The following ADAMTS16 variants were observed in gnomAD, a reference collection of about 807,000 sequenced individuals.
The protein encoded by ADAMTS16 is A disintegrin and metalloproteinase with thrombospondin motifs 16.
Under a neutral mutation model 145.8 loss-of-function variants are expected in ADAMTS16, and 94 were observed. The observed-to-expected ratio is 0.64, with a 90% CI of 0.55 to 0.77. The LOEUF (loss-of-function observed/expected upper bound fraction) is 0.77. Among genes scored for constraint, ADAMTS16 ranks in the 30% least tolerant of loss-of-function variants. ADAMTS16 has a pLI of 0.00. For synonymous variants in ADAMTS16, 659 were observed against 604.3 expected, an observed-to-expected ratio of 1.09 and a Z score of -1.33; for missense variants, 1,585 against 1,591.5, an observed-to-expected ratio of 1.00 and a Z score of 0.07.
Position 5,200,112 on chromosome 5 carries a change from T to TCTCTCC in ADAMTS16, c.1314-15_1314-14insCCTCTC. 1 of 1,581,990 alleles carries TCTCTCC rather than the reference T, an allele frequency of 6.3e-7. No individual in the cohort carries two copies. Among genetic ancestry groups the TCTCTCC allele is most frequent in the Non-Finnish European group, 8.6e-7 (1 of 1,164,512 alleles). On this transcript the variant is annotated intron_variant, in intron 8 of 22. Coordinates refer to ENST00000274181, the MANE Select transcript of ADAMTS16 (RefSeq NM_139056.4). The stretch of plus-strand genomic sequence containing the variant: ...GTTTTTGTTCTGAAAGAACCATCTC[T>TCTCTCC]CTCTCTCTCTCTCTCATAGCTTTGG...
intron 10 of ADAMTS16, 78 bp downstream of exon 10, chr5:5,209,324 T>G: frequency 1.3e-6 from 2 of 1,532,910 alleles, no homozygotes; most frequent in Non-Finnish European, 1.8e-6. Context: ...TGTTGATATA[T>G]TCTGCATTTA....
At position 5,209,096 on chromosome 5, in the gene ADAMTS16, C is replaced by T. The variant is rs373395647; in HGVS notation, c.1455C>T (p.Thr485=). The T allele has an allele frequency of 5.3e-5, 85 of 1,612,410 alleles. No individual in the cohort carries two copies. Among genetic ancestry groups the T allele is most frequent in the African/African-American group, 2.0e-4 (15 of 74,854 alleles). The change falls in exon 10 of 23, where the codon ACC becomes ACT. Residue 485 remains threonine (T), a synonymous_variant. Coordinates refer to ENST00000274181, the MANE Select transcript of ADAMTS16 (RefSeq NM_139056.4). ...SRQYLHKFLS[T]AQAICLADQP... The stretch of plus-strand genomic sequence containing the variant: ...GCTCATCTCCTCTTTGTTTCAGCAC[C>T]GCTCAAGCTATCTGCCTTGCTGATC...
intron 11 of ADAMTS16, 150 bp downstream of exon 11, chr5:5,223,034 TATATTG>T (rs1446531023): frequency 1.7e-6 from 1 of 591,050 alleles, no homozygotes; most frequent in African/African-American, 1.8e-5. Flanking sequence ...GTGTTTATTT[TATATTG>T]ATAATGTGAA....
intron 18 of ADAMTS16, among the ~76,000 whole-genome samples, chr5:5,263,682 C>A (rs2913659): frequency 0.28 from 42,055 of 152,114 alleles, 5,922 homozygotes; most frequent in Middle Eastern, 0.37. Context: ...GGCAAGGGTG[C>A]CCGTGACCCC....
chr5:5,306,814 G>C (rs1579409971), intron 21 of ADAMTS16, 86 bp downstream of exon 21: 1 of 1,329,070 alleles, frequency 7.5e-7, no homozygotes, highest in East Asian at 2.5e-5. Context: ...GCTTCTGCGA[G>C]GGTGTTTTCC....
chr5:5,308,813 G>T (rs1740296413), intron 21 of ADAMTS16, among the ~76,000 whole-genome samples: 1 of 152,088 alleles, frequency 6.6e-6, no homozygotes, highest in Admixed American at 6.5e-5. Context: ...AACCGGGTGT[G>T]GTGGTGCACG....
At chr5:5,144,642 A>T (rs1239247238) in intron 2 of ADAMTS16, among the ~76,000 whole-genome samples, 1 of 152,214 alleles carries the variant, frequency 6.6e-6, no homozygotes, top group Non-Finnish European at 1.5e-5. Context: ...AGCCGACTTT[A>T]GGAGGGTAGT....
chr5:5,205,215 T>C (rs1736064395), intron 9 of ADAMTS16, among the ~76,000 whole-genome samples: 1 of 152,180 alleles, frequency 6.6e-6, no homozygotes, highest in Non-Finnish European at 1.5e-5. Context: ...TTTACACTTT[T>C]AATGGTGCCT....
chr5:5,234,712 A>C (rs1737042485), intron 12 of ADAMTS16, among the ~76,000 whole-genome samples: 1 of 152,036 alleles, frequency 6.6e-6, no homozygotes, highest in Non-Finnish European at 1.5e-5. Context: ...TTTACTAAAA[A>C]TACAAAAATT....
At chr5:5,205,371 A>G (rs1391163531) in intron 9 of ADAMTS16, among the ~76,000 whole-genome samples, 2 of 151,832 alleles carry the variant, frequency 1.3e-5, no homozygotes, top group African/African-American at 4.8e-5. Context: ...CTTCCACATG[A>G]TCTCCTACAA....
intron 3 of ADAMTS16, among the ~76,000 whole-genome samples, chr5:5,175,659 G>T (rs573556755): frequency 1.3e-5 from 2 of 152,314 alleles, no homozygotes; most frequent in African/African-American, 4.8e-5. Context: ...ACAGTGGCAA[G>T]GCTTACTGGA....
intron 10 of ADAMTS16, among the ~76,000 whole-genome samples, chr5:5,216,366 C>T (rs1222606929): frequency 6.8e-6 from 1 of 147,776 alleles, no homozygotes; most frequent in East Asian, 2.0e-4. Context: ...TATTCATGTC[C>T]TTAGCCCATT....
chr5:5,208,519 G>A (rs183342345), intron 9 of ADAMTS16, among the ~76,000 whole-genome samples: 1 of 152,160 alleles, frequency 6.6e-6, no homozygotes, highest in East Asian at 1.9e-4. Flanking sequence ...TTTCAGCAAG[G>A]TTAATTTTCT....
At chr5:5,227,961 C>T (rs76145851) in intron 11 of ADAMTS16, among the ~76,000 whole-genome samples, 1 of 152,264 alleles carries the variant, frequency 6.6e-6, no homozygotes, top group East Asian at 1.9e-4. Context: ...ATGAACAGAA[C>T]ATATTGTTAA....
At chr5:5,305,923 C>T (rs1007389955) in intron 20 of ADAMTS16, among the ~76,000 whole-genome samples, 10 of 152,240 alleles carry the variant, frequency 6.6e-5, no homozygotes, top group Admixed American at 5.2e-4. Flanking sequence ...GCCTGGCCTG[C>T]TCGTTTGCAC....
chr5:5,178,977 G>T (rs1450695875), intron 3 of ADAMTS16, among the ~76,000 whole-genome samples: 1 of 151,896 alleles, frequency 6.6e-6, no homozygotes, highest in Non-Finnish European at 1.5e-5. Flanking sequence ...TTCCTCAGGG[G>T]CTCTCTGAAT....
rs1275923802 is a variant in ADAMTS16, at chr5:5,269,238, C to T, written c.2789+6455C>T. On this transcript the variant is annotated intron_variant, in intron 18 of 22. Coordinates refer to ENST00000274181, the MANE Select transcript of ADAMTS16 (RefSeq NM_139056.4). This position sits in a 1 kb window ranked among gnomAD's most constrained non-coding sequence, Gnocchi z 4.3. ...GCTGTGGCAGTGCTGGAACCCTCCCCTCACCAGCACCTGAGCTGCCTTGCT... is the reference window on the plus strand; with the variant it reads ...GCTGTGGCAGTGCTGGAACCCTCCCTTCACCAGCACCTGAGCTGCCTTGCT... Among the ~76,000 whole-genome samples, 2 of 152,104 alleles carry T rather than the reference C, an allele frequency of 1.3e-5. No homozygotes were observed. Among genetic ancestry groups the T allele is most frequent in the Admixed American group, 6.5e-5 (1 of 15,288 alleles).
chr5:5,292,503 AT>A (rs1553998809), intron 18 of ADAMTS16, among the ~76,000 whole-genome samples: 2 of 8,528 alleles, frequency 2.3e-4, no homozygotes, highest in South Asian at 0.012. Flanking sequence ...AGCTCAAATA[AT>A]AATAATAATA....
chr5:5,292,266 G>A (rs1312234621), intron 18 of ADAMTS16, among the ~76,000 whole-genome samples: 1 of 152,102 alleles, frequency 6.6e-6, no homozygotes, highest in Non-Finnish European at 1.5e-5. Context: ...GAGGCTGAAT[G>A]GTGTGGATCA....
Sources: allele counts gnomAD v4.1 joint callset (sites outside exome capture counted in the v4.1 genomes callset), GRCh38; gene constraint gnomAD v4.1.1; non-coding constraint Gnocchi (gnomAD v3.1); transcripts MANE v1.5; gene names NCBI Gene and HGNC (gene_info 2026-07-23, HGNC 2026-07-21).